Variants in DIAPH2 observed in about 807,000 individuals in gnomAD.
DIAPH2 encodes diaphanous related formin 2, also known as protein diaphanous homolog 2.
DIAPH2 carries 35 observed loss-of-function variants against 92.7 expected under a neutral mutation model. The ratio of observed to expected loss-of-function variants is 0.38; its 90% CI spans 0.29 to 0.50. The LOEUF (loss-of-function observed/expected upper bound fraction) is 0.50, where lower values mean the gene tolerates loss of function less well. Among genes scored for constraint, DIAPH2 ranks in the 20% least tolerant of loss-of-function variants. DIAPH2 has a pLI of 0.94. For synonymous variants in DIAPH2, 301 were observed against 280.4 expected, an observed-to-expected ratio of 1.07 and a Z score of -0.73; for missense variants, 701 against 819.5, an observed-to-expected ratio of 0.86 and a Z score of 1.77.
intron 4 of DIAPH2, among the ~76,000 whole-genome samples, chrX:96,831,062 A>C (rs967074557): frequency 8.9e-6 from 1 of 112,108 alleles, no homozygotes; most frequent in African/African-American, 3.2e-5. Context: ...CTCCAACCAC[A>C]GTAGCTTTCT....
intron 4 of DIAPH2, among the ~76,000 whole-genome samples, chrX:96,874,577 A>C (rs1474166117): frequency 8.9e-6 from 1 of 112,165 alleles, no homozygotes; most frequent in African/African-American, 3.2e-5. Flanking sequence ...GACTATCATT[A>C]AATATTTTAA....
chrX:97,502,923 C>T (rs977573368), intron 26 of DIAPH2, among the ~76,000 whole-genome samples: 4 of 111,943 alleles, frequency 3.6e-5, no homozygotes, highest in African/African-American at 9.7e-5. Context: ...CGTTGATTCC[C>T]TTATGAGTCA....
intron 23 of DIAPH2, among the ~76,000 whole-genome samples, chrX:97,309,299 A>G (rs1327969277): frequency 4.6e-5 from 5 of 109,799 alleles, no homozygotes; most frequent in African/African-American, 9.9e-5. Flanking sequence ...GGGTTTCACC[A>G]TACTGGCCAG....
intron 25 of DIAPH2, among the ~76,000 whole-genome samples, chrX:97,402,360 T>A (rs182445291): frequency 2.0e-4 from 22 of 111,547 alleles, no homozygotes; most frequent in Admixed American, 1.7e-3. Flanking sequence ...GTTGGATAAC[T>A]GTTCAGGAAC....
intron 1 of DIAPH2, among the ~76,000 whole-genome samples, chrX:96,732,620 A>T (rs2064062823): frequency 8.9e-6 from 1 of 111,807 alleles, no homozygotes; most frequent in African/African-American, 3.2e-5. Context: ...AATTAGGATA[A>T]TTTTTTACAT....
intron 23 of DIAPH2, among the ~76,000 whole-genome samples, chrX:97,302,554 A>C (rs2068716101): frequency 9.0e-6 from 1 of 111,417 alleles, no homozygotes; most frequent in Admixed American, 9.6e-5. Context: ...ATTAAAAAAT[A>C]AAATAAAATA....
intron 24 of DIAPH2, among the ~76,000 whole-genome samples, chrX:97,363,383 G>T (rs758604360): frequency 9.1e-6 from 1 of 110,368 alleles, no homozygotes; most frequent in African/African-American, 3.3e-5. Flanking sequence ...TAGGCCAGGC[G>T]CAGTGGCTCA....
At chrX:96,794,649 T>G (rs2064525671) in intron 4 of DIAPH2, among the ~76,000 whole-genome samples, 1 of 111,924 alleles carries the variant, frequency 8.9e-6, no homozygotes, top group Non-Finnish European at 1.9e-5. Flanking sequence ...TATCCTGTGA[T>G]ATAACAAATC....
chrX:97,438,559 T>G (rs1329224120), intron 26 of DIAPH2, among the ~76,000 whole-genome samples: 1 of 107,895 alleles, frequency 9.3e-6, no homozygotes. Context: ...ATTTTTTTTG[T>G]AGAGATGGGG....
chrX:97,364,582 A>G (rs1190937821), intron 24 of DIAPH2, among the ~76,000 whole-genome samples: 1 of 112,034 alleles, frequency 8.9e-6, no homozygotes, highest in East Asian at 2.8e-4. Flanking sequence ...CCACGGAGAC[A>G]AAAGACAATT....
chrX:97,005,914 T>C (rs1212158904), intron 17 of DIAPH2, among the ~76,000 whole-genome samples: 163 of 106,350 alleles, frequency 1.5e-3, no homozygotes, highest in African/African-American at 5.0e-3. Context: ...TTTTCTTTTT[T>C]TTTTTTTTTT....
intron 23 of DIAPH2, among the ~76,000 whole-genome samples, chrX:97,340,455 G>T (rs1040224589): frequency 1.8e-5 from 2 of 110,739 alleles, no homozygotes; most frequent in African/African-American, 6.6e-5. Flanking sequence ...AATCTCTACT[G>T]ATGAAACAAG....
chrX:97,504,095 T>G lies in DIAPH2; in HGVS notation c.3241+74350T>G, dbSNP rs1419148102. Reference sequence around the variant, plus strand: ...GCTATTGAAAAATATTTCTATTATGTTCAGCCTAGTTTTATTTTTAACTAT... The same window carrying G: ...GCTATTGAAAAATATTTCTATTATGGTCAGCCTAGTTTTATTTTTAACTAT... On this transcript the variant is annotated intron_variant, in intron 26 of 26. Transcript: ENST00000324765. Among the ~76,000 whole-genome samples, 3 of 112,252 alleles carry G rather than the reference T, an allele frequency of 2.7e-5. No individual in the cohort carries two copies. The East Asian group carries it at 8.3e-4, about 31-fold the overall frequency.
At chrX:96,723,880 CA>C (rs1234087237) in intron 1 of DIAPH2, among the ~76,000 whole-genome samples, 3 of 108,126 alleles carry the variant, frequency 2.8e-5, no homozygotes, top group East Asian at 2.9e-4. Context: ...AATGTGGGGC[CA>C]GAACTTATGG....
chrX:97,599,611 A>G lies in DIAPH2; in HGVS notation c.*294A>G, dbSNP rs185289029. 114 of 158,498 alleles carry G rather than the reference A, an allele frequency of 7.2e-4. No homozygotes were observed. The highest frequency in any genetic ancestry group is 1.3e-3 in the Non-Finnish European group (107 of 83,235). 13.1% of individuals were successfully genotyped at this position (158,498 alleles called of 1,213,427 possible). ...GTGATGATGGAAGTGTAAGAAATTG[A>G]AGAGTTCTAAGGCTTTCAAAAACAC... On this transcript the variant is annotated 3_prime_UTR_variant, in exon 27 of 27. Coordinates refer to ENST00000324765, the MANE Select transcript of DIAPH2 (RefSeq NM_006729.5).
chrX:96,837,373 C>T (rs444705), intron 4 of DIAPH2, among the ~76,000 whole-genome samples: 1 of 106,661 alleles, frequency 9.4e-6, no homozygotes, highest in East Asian at 3.0e-4. Flanking sequence ...GTCTCTCTGT[C>T]TGCCTCCTTC....
chrX:96,814,247 TTCTCC>T (rs1195002278), intron 4 of DIAPH2, among the ~76,000 whole-genome samples: 2 of 111,860 alleles, frequency 1.8e-5, no homozygotes, highest in Non-Finnish European at 3.8e-5. Context: ...TTCTCTAAAC[TTCTCC>T]TCTCGCTTTA....
intron 23 of DIAPH2, among the ~76,000 whole-genome samples, chrX:97,325,162 G>GATGACCATTGTT (rs1192228890): frequency 1.8e-5 from 2 of 112,105 alleles, no homozygotes; most frequent in Non-Finnish European, 3.8e-5. Flanking sequence ...TGACCCTGGT[G>GATGACCATTGTT]ATGACCATTG....
At position 97,511,180 on chromosome X, in the gene DIAPH2, T is replaced by C. The variant is rs1336949115; in HGVS notation, c.3241+81435T>C. Among the ~76,000 whole-genome samples the C allele has an allele frequency of 8.9e-3, 852 of 95,549 alleles. 16 individuals carry two copies. Among genetic ancestry groups the C allele is most frequent in the African/African-American group, 0.031 (807 of 26,397 alleles). 83.0% of individuals were successfully genotyped at this position (95,549 alleles called of 115,157 possible). On this transcript the variant is annotated intron_variant, in intron 26 of 26. Coordinates refer to ENST00000324765, the MANE Select transcript of DIAPH2 (RefSeq NM_006729.5). ...TTCCATTTGTTTGTATCCTCTTTTA[T>C]TTCATTGAGCAGTGGTTTGTAGTTC... is the stretch of plus-strand genomic sequence containing the variant.
Sources: allele counts gnomAD v4.1 joint callset (sites outside exome capture counted in the v4.1 genomes callset), GRCh38; gene constraint gnomAD v4.1.1; transcripts MANE v1.5; gene names NCBI Gene and HGNC (gene_info 2026-07-23, HGNC 2026-07-21).